The following CHSY3 variants were observed in gnomAD, a reference collection of about 807,000 sequenced individuals.
CHSY3 encodes N-acetylgalactosaminyl-proteoglycan 3-beta-glucuronosyltransferase 3.
A neutral mutation model predicts 67.2 loss-of-function variants in CHSY3; 35 were observed. The ratio of observed to expected loss-of-function variants is 0.52; its 90% confidence interval spans 0.40 to 0.69. The LOEUF is 0.69. Ranked by LOEUF, CHSY3 falls within the 30% of genes least tolerant of loss-of-function variation. The pLI, the probability that CHSY3 is intolerant of heterozygous loss-of-function variation, is 0.00. For missense variants in CHSY3, 1,069 were observed against 1,138.5 expected (o/e 0.94, Z 0.88); for synonymous variants, 474 against 434.7 (o/e 1.09, Z -1.12).
intron 2 of CHSY3, among the ~76,000 whole-genome samples, chr5:130,027,051 G>A (rs1764567032): frequency 6.6e-6 from 1 of 152,048 alleles, no homozygotes; most frequent in Non-Finnish European, 1.5e-5. Flanking sequence ...CAGCCTCTAG[G>A]AACACTGACT....
At chr5:130,159,700 A>G (rs1769474491) in intron 2 of CHSY3, among the ~76,000 whole-genome samples, 1 of 152,190 alleles carries the variant, frequency 6.6e-6, no homozygotes, top group South Asian at 2.1e-4. Flanking sequence ...AAATTAGCAT[A>G]TATCAATTAT....
At chr5:129,988,441 C>T (rs1223410784) in intron 2 of CHSY3, among the ~76,000 whole-genome samples, 1 of 152,150 alleles carries the variant, frequency 6.6e-6, no homozygotes, top group African/African-American at 2.4e-5. Context: ...TGTCATGAAG[C>T]CCCACTCACT....
chr5:130,147,669 C>T (rs1279456698), intron 2 of CHSY3, among the ~76,000 whole-genome samples: 1 of 152,170 alleles, frequency 6.6e-6, no homozygotes, highest in Admixed American at 6.5e-5. Flanking sequence ...TCGGCATCTG[C>T]TCAGCTTCTG....
At chr5:129,979,800 T>C (rs1176304730) in intron 2 of CHSY3, among the ~76,000 whole-genome samples, 1 of 152,222 alleles carries the variant, frequency 6.6e-6, no homozygotes, top group Admixed American at 6.5e-5. Flanking sequence ...TTTTACTGTT[T>C]CCATAGTTTA....
intron 2 of CHSY3, among the ~76,000 whole-genome samples, chr5:130,146,872 C>A (rs1325041100): frequency 1.3e-5 from 2 of 152,316 alleles, no homozygotes; most frequent in Non-Finnish European, 2.9e-5. Context: ...TGGCTCACTG[C>A]AACCTCCACC....
intron 1 of CHSY3, among the ~76,000 whole-genome samples, chr5:129,907,603 C>T (rs1020938063): frequency 9.9e-5 from 15 of 152,192 alleles, no homozygotes; most frequent in African/African-American, 3.6e-4. Flanking sequence ...TCCTCCAAAA[C>T]TGTGCGGGTT....
chr5:130,045,133 G>A lies in CHSY3; in HGVS notation c.1086+136773G>A, dbSNP rs114120663. On this transcript the variant is annotated intron_variant, in intron 2 of 2. Transcript: ENST00000305031. ...AGCCTCCCAAGTAGCTGAGAGTACA[G>A]ACACACACCACCATGCCTGTCAGTT... is the stretch of plus-strand genomic sequence containing the variant. Among the ~76,000 whole-genome samples, 926 of 152,230 alleles carry A rather than the reference G, an allele frequency of 6.1e-3. 13 individuals are homozygous for A. Among genetic ancestry groups the A allele is most frequent in the African/African-American group, 0.02 (851 of 41,546 alleles).
chr5:130,072,277 G>A (rs757400829), intron 2 of CHSY3, among the ~76,000 whole-genome samples: 4 of 152,066 alleles, frequency 2.6e-5, no homozygotes, highest in Non-Finnish European at 5.9e-5. Context: ...TAGCTTTACA[G>A]TTTCAGGTCT....
Position 130,122,640 on chromosome 5 carries a change from G to C in CHSY3, c.1087-61589G>C, listed in dbSNP as rs139496101. Among the ~76,000 whole-genome samples the C allele has an allele frequency of 9.8e-3, 1,492 of 152,264 alleles. 30 individuals are homozygous for C. The highest frequency in any genetic ancestry group is 0.034 in the African/African-American group (1,419 of 41,530). Reference sequence around the variant, plus strand: ...ACAGCCAGTGGTTTTGTGCTGTTAGGATAAGGGTAGTGTTGCTTATGGCAT... The same window carrying C: ...ACAGCCAGTGGTTTTGTGCTGTTAGCATAAGGGTAGTGTTGCTTATGGCAT... On this transcript the variant is annotated intron_variant, in intron 2 of 2. Transcript: ENST00000305031.
chr5:130,153,044 A>G (rs895447727), intron 2 of CHSY3, among the ~76,000 whole-genome samples: 8 of 152,152 alleles, frequency 5.3e-5, no homozygotes, highest in Non-Finnish European at 1.2e-4. Flanking sequence ...CAGCCTGGCC[A>G]AAGTGGTGAA....
intron 2 of CHSY3, among the ~76,000 whole-genome samples, chr5:129,978,645 AGCC>A (rs1414154419): frequency 2.6e-5 from 4 of 152,174 alleles, no homozygotes; most frequent in Non-Finnish European, 5.9e-5. Flanking sequence ...AATGAAGATA[AGCC>A]TATAATGTTG....
At chr5:129,932,791 G>A (rs1259705290) in intron 2 of CHSY3, among the ~76,000 whole-genome samples, 1 of 151,756 alleles carries the variant, frequency 6.6e-6, no homozygotes, top group Admixed American at 6.6e-5. Context: ...GAATTTCTAA[G>A]GCTCTTACTT....
chr5:129,905,187 G>A lies in CHSY3; in HGVS notation c.358G>A (p.Gly120Ser). The A allele has an allele frequency of 1.3e-6, 2 of 1,520,012 alleles. No individual in the cohort carries two copies. The highest frequency in any genetic ancestry group is 1.2e-5 in the South Asian group (1 of 82,022). 94.2% of individuals were successfully genotyped at this position (1,520,012 alleles called of 1,614,324 possible). ...GCGGCGGCGAGGACGCGAGCCTGAG[G>A]GCGCGACGGGGCTTCCCGGTGCTCC... is the stretch of plus-strand genomic sequence containing the variant. The part of the protein sequence containing the change: ...QQRRRGREPE[G>S]ATGLPGAPAA... The change falls in exon 1 of 3, where the codon GGC becomes AGC. Residue 120 changes from glycine (G) to serine (S), a missense_variant. By Grantham distance (56) the Gly-to-Ser change is moderately conservative. This residue lies in a region of CHSY3 where 309 missense variants were observed against 262.5 expected (regional missense o/e 1.18). Transcript: ENST00000305031.
At chr5:129,911,289 T>G (rs535809223) in intron 2 of CHSY3, among the ~76,000 whole-genome samples, 1 of 152,318 alleles carries the variant, frequency 6.6e-6, no homozygotes, top group Admixed American at 6.5e-5. Context: ...TTGTATATAC[T>G]ATTAAAAATA....
chr5:129,959,279 C>T (rs1762264490), intron 2 of CHSY3, among the ~76,000 whole-genome samples: 1 of 152,100 alleles, frequency 6.6e-6, no homozygotes. Context: ...ATCTCATCAT[C>T]ATATTCCAGT....
intron 2 of CHSY3, among the ~76,000 whole-genome samples, chr5:129,921,322 G>A (rs1004183102): frequency 6.6e-6 from 1 of 152,080 alleles, no homozygotes; most frequent in Non-Finnish European, 1.5e-5. Context: ...ATGATACCTT[G>A]ACAGTCAGTC....
intron 2 of CHSY3, among the ~76,000 whole-genome samples, chr5:129,913,447 T>C (rs1057324079): frequency 2.6e-5 from 4 of 152,328 alleles, no homozygotes; most frequent in African/African-American, 7.2e-5. Context: ...TCATATAACA[T>C]AGTTACATTT....
chr5:130,026,509 A>T (rs892842524), intron 2 of CHSY3, among the ~76,000 whole-genome samples: 2 of 152,136 alleles, frequency 1.3e-5, no homozygotes, highest in Non-Finnish European at 2.9e-5. Flanking sequence ...CTCAGGTGGG[A>T]TCTATAAATA....
At chr5:130,001,134 C>T (rs932764384) in intron 2 of CHSY3, among the ~76,000 whole-genome samples, 1 of 152,030 alleles carries the variant, frequency 6.6e-6, no homozygotes, top group Non-Finnish European at 1.5e-5. Context: ...CCCGCCTCGA[C>T]CTCCCAAAGT....
Sources: allele counts gnomAD v4.1 joint callset (sites outside exome capture counted in the v4.1 genomes callset), GRCh38; gene constraint gnomAD v4.1.1; regional missense constraint gnomAD v4.1.1; transcripts MANE v1.5; gene names NCBI Gene and HGNC (gene_info 2026-07-23, HGNC 2026-07-21).